Variants in CDK5RAP2 observed in about 807,000 individuals in gnomAD.
CDK5RAP2 encodes CDK5 regulatory subunit associated protein 2.
Under a neutral mutation model 232.9 loss-of-function variants are expected in CDK5RAP2, and 147 were observed. The observed-to-expected ratio is 0.63, with a 90% CI of 0.55 to 0.72. CDK5RAP2 has a LOEUF of 0.72. CDK5RAP2 is among the 30% of genes least tolerant of loss of function. The probability of loss-of-function intolerance (pLI) is 0.00; values close to 1 mark genes in which losing one functional copy is unlikely to be tolerated. For missense variants in CDK5RAP2, 2,195 were observed against 2,231.5 expected, an observed-to-expected ratio of 0.98 and a Z score of 0.33; for synonymous variants, 833 against 833.7, an observed-to-expected ratio of 1.00 and a Z score of 0.01.
In CDK5RAP2 at chr9:120,437,393, T is replaced by A. The variant is rs769981194; in HGVS notation, c.3857A>T (p.Gln1286Leu). 1.2e-6 allele frequency: 2 copies of A among 1,614,050 alleles called. No homozygotes were observed. Among genetic ancestry groups the A allele is most frequent in the African/African-American group, 2.7e-5 (2 of 74,922 alleles). Reference sequence around the variant, plus strand: ...CACACAGTAATCCACATCACTGGCCTGCAGCAACTCCTCAAATGCCTTAAT... The same window carrying A: ...CACACAGTAATCCACATCACTGGCCAGCAGCAACTCCTCAAATGCCTTAAT... Reference protein sequence around the residue: ...TMIKAFEELLQASDVDYCVAE... With the variant: ...TMIKAFEELLLASDVDYCVAE... The change falls in exon 25 of 38, where the codon CAG (glutamine) becomes CTG (leucine). Residue 1286 changes from glutamine to leucine, a missense_variant. By Grantham distance (113) the Gln-to-Leu change is moderately radical (BLOSUM62 -2). Transcript: ENST00000349780.
At chr9:120,538,333 G>A (rs1436306174) in intron 6 of CDK5RAP2, among the ~76,000 whole-genome samples, 2 of 152,132 alleles carry the variant, frequency 1.3e-5, no homozygotes, top group African/African-American at 4.8e-5. Flanking sequence ...GAGAAACTGT[G>A]ATAAAACAAA....
chr9:120,577,784 A>G (rs1391665706), intron 1 of CDK5RAP2, among the ~76,000 whole-genome samples: 2 of 152,220 alleles, frequency 1.3e-5, no homozygotes, highest in African/African-American at 4.8e-5. Flanking sequence ...CCCCAGATCA[A>G]GGGGTTGTTA....
intron 4 of CDK5RAP2, 149 bp downstream of exon 4, chr9:120,550,643 T>G (rs899259175): frequency 1.5e-6 from 1 of 669,356 alleles, no homozygotes; most frequent in African/African-American, 1.8e-5. Context: ...AAAGTCATCC[T>G]AATATCTTTA....
intron 21 of CDK5RAP2, among the ~76,000 whole-genome samples, chr9:120,450,169 G>T (rs1222380849): frequency 1.3e-5 from 2 of 152,142 alleles, no homozygotes; most frequent in Non-Finnish European, 2.9e-5. Context: ...ATACTGTTTG[G>T]CAATAAAAAT....
intron 12 of CDK5RAP2, among the ~76,000 whole-genome samples, chr9:120,494,965 AGCC>A (rs1329596362): frequency 2.2e-5 from 3 of 134,152 alleles, no homozygotes; most frequent in South Asian, 4.5e-4. Context: ...GACCGACCGC[AGCC>A]GCCGCCGCCC....
intron 21 of CDK5RAP2, 89 bp from the exon 22 acceptor site, chr9:120,448,215 C>T (rs1056851016): frequency 3.2e-5 from 37 of 1,145,478 alleles, no homozygotes; most frequent in Admixed American, 1.4e-4. Context: ...CCTTATAAAA[C>T]GGAATTCGAA....
chr9:120,532,866 C>T (rs1415834086), intron 7 of CDK5RAP2, among the ~76,000 whole-genome samples: 2 of 152,176 alleles, frequency 1.3e-5, no homozygotes, highest in African/African-American at 2.4e-5. Context: ...GACTCTACCA[C>T]CTAGAACACA....
intron 36 of CDK5RAP2, 142 bp from the exon 37 acceptor site, chr9:120,389,929 AG>A: frequency 1.3e-6 from 1 of 751,646 alleles, no homozygotes; most frequent in Non-Finnish European, 2.4e-6. Context: ...TCCAGACCAG[AG>A]GGAGGTACAA....
chr9:120,404,667 G>A (rs2131284211), intron 32 of CDK5RAP2, among the ~76,000 whole-genome samples: 1 of 152,134 alleles, frequency 6.6e-6, no homozygotes, highest in East Asian at 1.9e-4. Flanking sequence ...AGGACTGAGG[G>A]GCCCACTCAA....
rs1208360393 is a variant in CDK5RAP2, at chr9:120,415,165, G to A, written c.4178-6C>T. ...TATGTGTTCCATTAGTAAGTCTACA[G>A]GAAGGAAGCCATTTTTAATTTAAAG... On this transcript the variant is annotated splice_polypyrimidine_tract_variant and splice_region_variant and intron_variant, in intron 27 of 37. Coordinates refer to ENST00000349780, the MANE Select transcript of CDK5RAP2 (RefSeq NM_018249.6). 2 of 1,613,930 alleles carry A rather than the reference G, an allele frequency of 1.2e-6. No individual in the cohort carries two copies. Among genetic ancestry groups the A allele is most frequent in the East Asian group, 4.5e-5 (2 of 44,868 alleles).
chr9:120,455,370 TAAAA>T (rs77949035), intron 20 of CDK5RAP2, among the ~76,000 whole-genome samples: 9 of 94,166 alleles, frequency 9.6e-5, no homozygotes, highest in Admixed American at 3.6e-4. Context: ...TACAACACGT[TAAAA>T]AAAAAAAAAA....
At chr9:120,491,578 G>T in intron 12 of CDK5RAP2, 101 bp from the exon 13 acceptor site, 1 of 797,846 alleles carries the variant, frequency 1.3e-6, no homozygotes, top group Non-Finnish European at 2.1e-6. Context: ...CAAGATAATA[G>T]ATGTATTTAA....
At chr9:120,440,461 A>G (rs1235129772) in intron 23 of CDK5RAP2, 3 of 182,358 alleles carry the variant, frequency 1.6e-5, no homozygotes, top group East Asian at 2.6e-4. Context: ...TCAGCCCTCT[A>G]TTCTACTCCT....
rs919150866 is a variant in CDK5RAP2 at position 120,400,781 on chromosome 9, T to G, written c.5412A>C (p.Ser1804=). The change falls in exon 35 of 38, where the codon TCA becomes TCC. Residue 1804 remains serine (S), a synonymous_variant. Coordinates refer to ENST00000349780, the MANE Select transcript of CDK5RAP2 (RefSeq NM_018249.6). ...GGGGGCACTGGCCATCCTCGGGGAG[T>G]GAGACTCTCCAGAGAAGCTTCAGCC... is the stretch of plus-strand genomic sequence containing the variant. ...YRRLKLLWRV[S]LPEDGQCPLH... is the part of the protein sequence containing the mutation. 1.1e-5 allele frequency: 18 copies of G among 1,613,800 alleles called. No individual in the cohort carries two copies. Among genetic ancestry groups the G allele is most frequent in the Admixed American group, 5.0e-5 (3 of 60,000 alleles).
At chr9:120,456,095 A>G (rs762743560) in intron 20 of CDK5RAP2, among the ~76,000 whole-genome samples, 1 of 152,248 alleles carries the variant, frequency 6.6e-6, no homozygotes, top group Admixed American at 6.5e-5. Context: ...AAAAAAATTC[A>G]TAAGAGGGAG....
intron 15 of CDK5RAP2, among the ~76,000 whole-genome samples, chr9:120,475,066 T>C (rs1475507562): frequency 6.6e-6 from 1 of 152,208 alleles, no homozygotes; most frequent in Non-Finnish European, 1.5e-5. Context: ...CCAGGAAGTA[T>C]TAGGTCTTTA....
chr9:120,508,518 C>G (rs2039935156), intron 12 of CDK5RAP2, among the ~76,000 whole-genome samples: 1 of 152,240 alleles, frequency 6.6e-6, no homozygotes, highest in Non-Finnish European at 1.5e-5. Flanking sequence ...CAGTATGGTG[C>G]TAGCTGTGAT....
At chr9:120,566,824 G>A (rs1370476329) in intron 3 of CDK5RAP2, among the ~76,000 whole-genome samples, 2 of 152,164 alleles carry the variant, frequency 1.3e-5, no homozygotes, top group African/African-American at 4.8e-5. Flanking sequence ...ACATCCCTGG[G>A]CCTCAGTTTC....
chr9:120,473,074 C>A (rs900664028), intron 15 of CDK5RAP2, among the ~76,000 whole-genome samples: 2 of 152,178 alleles, frequency 1.3e-5, no homozygotes, highest in Non-Finnish European at 2.9e-5. Context: ...AACATGGAGA[C>A]CCCAGCTGAC....
Sources: allele counts gnomAD v4.1 joint callset (sites outside exome capture counted in the v4.1 genomes callset), GRCh38; gene constraint gnomAD v4.1.1; transcripts MANE v1.5; gene names NCBI Gene and HGNC (gene_info 2026-07-23, HGNC 2026-07-21).